RBFOX1: variants seen among roughly 807,000 people sequenced by gnomAD.
RBFOX1 encodes RNA binding fox-1 homolog 1.
Under a neutral mutation model 57.7 loss-of-function variants are expected in RBFOX1, and 8 were observed. The observed-to-expected ratio is 0.14, with a 90% CI of 0.08 to 0.25. RBFOX1 has a LOEUF of 0.25. Ranked by LOEUF, RBFOX1 falls within the 10% of genes least tolerant of loss-of-function variation. The probability of loss-of-function intolerance (pLI) is 1.00; values close to 1 mark genes in which losing one functional copy is unlikely to be tolerated. For missense variants in RBFOX1, 611 were observed against 548.5 expected, an observed-to-expected ratio of 1.11 and a Z score of -1.14; for synonymous variants, 326 against 222.4, an observed-to-expected ratio of 1.47 and a Z score of -4.15.
intron 4 of RBFOX1, among the ~76,000 whole-genome samples, chr16:7,306,116 T>C (rs1471218348): frequency 6.6e-6 from 1 of 152,230 alleles, no homozygotes; most frequent in Non-Finnish European, 1.5e-5. Flanking sequence ...ACCTAGCAAG[T>C]AGAATGCTAT....
At chr16:6,971,033 A>G (rs930720272) in intron 3 of RBFOX1, among the ~76,000 whole-genome samples, 16 of 152,216 alleles carry the variant, frequency 1.1e-4, no homozygotes, top group African/African-American at 1.9e-4. Flanking sequence ...CTTGAGAACC[A>G]TACTATCTAA....
intron 1 of RBFOX1, among the ~76,000 whole-genome samples, chr16:6,158,041 G>C (rs914985432): frequency 3.3e-5 from 5 of 152,160 alleles, no homozygotes; most frequent in Non-Finnish European, 5.9e-5. Context: ...TAATGATACA[G>C]CAAATCATAT....
At chr16:6,417,709 A>ATTTTTT (rs1416301414) in intron 2 of RBFOX1, among the ~76,000 whole-genome samples, 2 of 109,018 alleles carry the variant, frequency 1.8e-5, no homozygotes, top group African/African-American at 7.1e-5. Flanking sequence ...TTTCTTTTTA[A>ATTTTTT]AAAAAAAAAA....
At chr16:6,837,514 AC>A (rs2093186157) in intron 3 of RBFOX1, among the ~76,000 whole-genome samples, 1 of 152,206 alleles carries the variant, frequency 6.6e-6, no homozygotes, top group Non-Finnish European at 1.5e-5. Context: ...CCTATGCAGT[AC>A]CGGGTAATTG....
chr16:6,705,772 A>G (rs2062630265), intron 3 of RBFOX1, among the ~76,000 whole-genome samples: 2 of 152,148 alleles, frequency 1.3e-5, no homozygotes, highest in African/African-American at 4.8e-5. Context: ...AATCCCAGCA[A>G]TTTGGGAGCC....
chr16:5,999,924 T>A lies in RBFOX1; in HGVS notation c.351+132589T>A, dbSNP rs1477397070. On this transcript the variant is annotated intron_variant, in intron 4 of 19. Transcript: ENST00000641259. ...AAAAAAAAAGAGTGAAGAAGGGAAA[T>A]CAGACAAGGAAAGAAAGCAAGCATA... 2.1e-3 allele frequency among the ~76,000 whole-genome samples: 167 copies of A among 80,712 alleles called. 1 individual carries two copies. Among genetic ancestry groups the A allele is most frequent in the South Asian group, 3.3e-3 (8 of 2,428 alleles). 53.0% of individuals were successfully genotyped at this position (80,712 alleles called of 152,430 possible).
intron 3 of RBFOX1, among the ~76,000 whole-genome samples, chr16:7,040,586 C>A (rs1343931604): frequency 6.6e-6 from 1 of 152,182 alleles, no homozygotes; most frequent in South Asian, 2.1e-4. Flanking sequence ...TGGTCTGGTT[C>A]CCAGGACATC....
chr16:6,984,839 C>T (rs1050184479), intron 3 of RBFOX1, among the ~76,000 whole-genome samples: 6 of 152,036 alleles, frequency 3.9e-5, no homozygotes, highest in African/African-American at 1.4e-4. Flanking sequence ...TGGGGTTTCA[C>T]CATATTGGTC....
At chr16:7,334,088 C>A (rs1052089783) in intron 4 of RBFOX1, among the ~76,000 whole-genome samples, 6 of 152,138 alleles carry the variant, frequency 3.9e-5, no homozygotes, top group Non-Finnish European at 7.4e-5. Flanking sequence ...TCATTAATTA[C>A]AATTTCTGGG....
chr16:5,417,555 C>G (rs1184808394), intron 1 of RBFOX1, among the ~76,000 whole-genome samples: 3 of 152,102 alleles, frequency 2.0e-5, no homozygotes, highest in Non-Finnish European at 2.9e-5. Flanking sequence ...TTTCTTACCC[C>G]TGGCTTAAGA....
intron 3 of RBFOX1, among the ~76,000 whole-genome samples, chr16:6,865,664 G>A (rs12597590): frequency 6.6e-6 from 1 of 152,256 alleles, no homozygotes; most frequent in Admixed American, 6.5e-5. Flanking sequence ...TGACAACGTA[G>A]TAATCCCTAA....
At chr16:6,744,152 A>G (rs889790805) in intron 3 of RBFOX1, among the ~76,000 whole-genome samples, 1 of 152,182 alleles carries the variant, frequency 6.6e-6, no homozygotes, top group Non-Finnish European at 1.5e-5. Context: ...AGGTAATTTC[A>G]CAATGGAAAA....
chr16:7,701,736 A>G (rs2080805434), intron 14 of RBFOX1, among the ~76,000 whole-genome samples: 1 of 151,800 alleles, frequency 6.6e-6, no homozygotes, highest in Admixed American at 6.6e-5. Flanking sequence ...GGAGAAGGCT[A>G]TAGTAACCAC....
chr16:7,043,026 C>T (rs1338438155), intron 3 of RBFOX1, among the ~76,000 whole-genome samples: 1 of 152,130 alleles, frequency 6.6e-6, no homozygotes. Context: ...AAAGTTCCTT[C>T]GCTTCCATCC....
intron 4 of RBFOX1, among the ~76,000 whole-genome samples, chr16:5,982,447 G>A (rs979253204): frequency 6.6e-6 from 1 of 151,904 alleles, no homozygotes; most frequent in Admixed American, 6.6e-5. Context: ...GCTAATTTTT[G>A]TATTTTTTAG....
intron 3 of RBFOX1, among the ~76,000 whole-genome samples, chr16:5,623,692 C>A (rs1051309930): frequency 4.6e-5 from 7 of 152,094 alleles, no homozygotes; most frequent in Non-Finnish European, 8.8e-5. Context: ...ACCTCCTTCC[C>A]TTTTTCTCTC....
intron 7 of RBFOX1, among the ~76,000 whole-genome samples, chr16:7,589,444 A>G (rs1473497699): frequency 2.0e-5 from 3 of 152,086 alleles, no homozygotes; most frequent in Non-Finnish European, 4.4e-5. Context: ...GGGCTTCAGG[A>G]AAAAGACCAT....
chr16:6,534,147 T>G (rs2096703390), intron 2 of RBFOX1, among the ~76,000 whole-genome samples: 1 of 152,150 alleles, frequency 6.6e-6, no homozygotes, highest in Admixed American at 6.5e-5. Context: ...AAAGGGAAAT[T>G]ACCCAAACAT....
intron 4 of RBFOX1, among the ~76,000 whole-genome samples, chr16:5,962,818 GTTT>G (rs55961605): frequency 3.7e-4 from 50 of 135,362 alleles, no homozygotes; most frequent in South Asian, 1.2e-3. Flanking sequence ...TGAGGGTTTG[GTTT>G]TTTTTTTTTT....
Sources: allele counts gnomAD v4.1 joint callset (sites outside exome capture counted in the v4.1 genomes callset), GRCh38; gene constraint gnomAD v4.1.1; transcripts MANE v1.5; gene names NCBI Gene and HGNC (gene_info 2026-07-23, HGNC 2026-07-21).